TTLL7: variants seen among roughly 807,000 people sequenced by gnomAD.
The protein encoded by TTLL7 is tubulin polyglutamylase TTLL7.
In TTLL7, 53 loss-of-function variants were observed where a neutral mutation model predicts 120.2. That is an observed-to-expected ratio of 0.44 (90% CI 0.35 to 0.55). The LOEUF (loss-of-function observed/expected upper bound fraction) is 0.55, where lower values mean the gene tolerates loss of function less well. Ranked by LOEUF, TTLL7 falls within the 20% of genes least tolerant of loss-of-function variation. TTLL7 has a pLI of 0.00. For synonymous variants in TTLL7, 353 were observed against 351.7 expected (o/e 1.00, Z -0.04); for missense variants, 803 against 1,054.7 (o/e 0.76, Z 3.31).
chr1:83,948,877 G>A, intron 4 of TTLL7, 182 bp from the exon 5 acceptor site: 1 of 444,718 alleles, frequency 2.2e-6, no homozygotes, highest in Non-Finnish European at 3.9e-6. Flanking sequence ...ATGGTAATCA[G>A]AGAATAAAAC....
intron 20 of TTLL7, among the ~76,000 whole-genome samples, chr1:83,871,896 C>CA (rs1281907006): frequency 0.045 from 1,916 of 42,176 alleles, 53 homozygotes; most frequent in African/African-American, 0.08. Flanking sequence ...GACTCCATCT[C>CA]AAAAAAAAAA....
chr1:83,954,551 C>A (rs1386323911), intron 1 of TTLL7, among the ~76,000 whole-genome samples: 1 of 152,150 alleles, frequency 6.6e-6, no homozygotes, highest in Non-Finnish European at 1.5e-5. Context: ...ATGCTTTAAG[C>A]CAATGGCTTC....
chr1:83,975,956 T>C (rs1432164081), intron 1 of TTLL7, among the ~76,000 whole-genome samples: 1 of 151,924 alleles, frequency 6.6e-6, no homozygotes, highest in Non-Finnish European at 1.5e-5. Flanking sequence ...CATGAGAATA[T>C]TACAGTGCCA....
rs1648604039 is a variant in TTLL7 at position 83,947,333 on chromosome 1, A to G, written c.348-51T>C. 2.7e-6 allele frequency: 4 copies of G among 1,504,294 alleles called. No homozygotes were observed. In the East Asian group the frequency reaches 9.4e-5, roughly 35 times the overall value. 93.2% of individuals were successfully genotyped at this position (1,504,294 alleles called of 1,614,324 possible). ...ATAATTTCTATTCAAACTAGCATATATTTTCTTTCTCTGGGCTACTGATAT... is the reference window on the plus strand; with the variant it reads ...ATAATTTCTATTCAAACTAGCATATGTTTTCTTTCTCTGGGCTACTGATAT... On this transcript the variant is annotated intron_variant, in intron 5 of 20. Transcript: ENST00000260505.
At chr1:83,914,063 A>C (rs1410490747) in intron 14 of TTLL7, among the ~76,000 whole-genome samples, 1 of 152,194 alleles carries the variant, frequency 6.6e-6, no homozygotes, top group Non-Finnish European at 1.5e-5. Flanking sequence ...ATTTCTTCCA[A>C]AGGAAGTATC....
chr1:83,931,343 A>C (rs1410709544), intron 9 of TTLL7, among the ~76,000 whole-genome samples: 2 of 152,076 alleles, frequency 1.3e-5, no homozygotes, highest in Admixed American at 6.6e-5. Flanking sequence ...TGTGCTCCTA[A>C]GTTAGTGCTG....
At chr1:83,870,250 G>T (rs1383530384) in intron 20 of TTLL7, among the ~76,000 whole-genome samples, 168 bp from the exon 21 acceptor site, 2 of 152,166 alleles carry the variant, frequency 1.3e-5, no homozygotes, top group Admixed American at 1.3e-4. Context: ...AAGGAGAGAA[G>T]AGCTAAATAT....
intron 1 of TTLL7, chr1:83,980,245 C>T (rs1034540766): frequency 2.6e-5 from 4 of 151,996 alleles, no homozygotes; most frequent in African/African-American, 4.8e-5. Flanking sequence ...GTAGTCTTGC[C>T]TATTATATTT....
intron 15 of TTLL7, among the ~76,000 whole-genome samples, chr1:83,910,537 A>G (rs1657585715): frequency 6.6e-6 from 1 of 152,090 alleles, no homozygotes. Flanking sequence ...CCAAAGGAAG[A>G]GAGAGAGAAT....
At chr1:83,978,017 G>GT (rs1280371626) in intron 1 of TTLL7, among the ~76,000 whole-genome samples, 3 of 151,920 alleles carry the variant, frequency 2.0e-5, no homozygotes, top group Non-Finnish European at 2.9e-5. Context: ...AGTCCATTAG[G>GT]TTTTTTTAAT....
rs577706180 is a variant in TTLL7, at chr1:83,967,839, A to G, written c.-176-15452T>C. ...TCCAAAACGCTGGAATGAGGAGTTCAGCAATTCTTCTCAAAAAACAAAGAT... is the reference window on the plus strand; with the variant it reads ...TCCAAAACGCTGGAATGAGGAGTTCGGCAATTCTTCTCAAAAAACAAAGAT... On this transcript the variant is annotated intron_variant, in intron 1 of 20. Coordinates refer to ENST00000260505, the MANE Select transcript of TTLL7 (RefSeq NM_024686.6). 2.2e-3 allele frequency among the ~76,000 whole-genome samples: 336 copies of G among 152,188 alleles called. 1 individual carries two copies. The highest frequency in any genetic ancestry group is 7.8e-3 in the African/African-American group (324 of 41,534).
At chr1:83,923,491 G>T (rs577917788) in intron 10 of TTLL7, among the ~76,000 whole-genome samples, 2 of 151,942 alleles carry the variant, frequency 1.3e-5, no homozygotes, top group Non-Finnish European at 1.5e-5. Flanking sequence ...AATATCTACA[G>T]CAAACAAAAC....
intron 1 of TTLL7, among the ~76,000 whole-genome samples, chr1:83,998,296 C>T (rs1004182947): frequency 4.6e-5 from 7 of 152,134 alleles, no homozygotes; most frequent in African/African-American, 1.7e-4. Flanking sequence ...GTATTATTTC[C>T]TACCTCTCCT....
At chr1:83,947,068 T>C (rs747968813) in intron 6 of TTLL7, 56 bp downstream of exon 6, 122 of 1,431,198 alleles carry the variant, frequency 8.5e-5, no homozygotes, top group Non-Finnish European at 1.1e-4. Context: ...ACATTTATTC[T>C]CCCCACTCCC....
chr1:83,949,535 C>T, intron 4 of TTLL7: 1 of 233,824 alleles, frequency 4.3e-6, no homozygotes, highest in African/African-American at 2.3e-5. Flanking sequence ...CTATGTTGGC[C>T]AGGGAAGGTC....
intron 1 of TTLL7, among the ~76,000 whole-genome samples, chr1:83,973,610 T>C (rs987675078): frequency 4.6e-5 from 7 of 152,152 alleles, no homozygotes; most frequent in African/African-American, 1.4e-4. Context: ...ACAAAACAAA[T>C]TGCTGAAATT....
At chr1:83,971,289 A>G (rs1650945611) in intron 1 of TTLL7, among the ~76,000 whole-genome samples, 1 of 152,212 alleles carries the variant, frequency 6.6e-6, no homozygotes, top group Admixed American at 6.5e-5. Flanking sequence ...ACAGCCTGCC[A>G]TGGTCCAACT....
At chr1:83,961,087 C>T (rs1418285680) in intron 1 of TTLL7, among the ~76,000 whole-genome samples, 2 of 152,020 alleles carry the variant, frequency 1.3e-5, no homozygotes, top group Non-Finnish European at 2.9e-5. Context: ...ACAATCTTGA[C>T]CTTGAGCAAC....
chr1:83,906,563 T>G, intron 16 of TTLL7, 100 bp from the exon 17 acceptor site: 2 of 1,540,204 alleles, frequency 1.3e-6, no homozygotes, highest in Non-Finnish European at 8.8e-7. Flanking sequence ...CACTTTTAAC[T>G]GAAAACAATA....
Sources: allele counts gnomAD v4.1 joint callset (sites outside exome capture counted in the v4.1 genomes callset), GRCh38; gene constraint gnomAD v4.1.1; transcripts MANE v1.5; gene names NCBI Gene and HGNC (gene_info 2026-07-23, HGNC 2026-07-21).